The following SLC28A3 variants were observed in gnomAD, a reference collection of about 807,000 sequenced individuals.
SLC28A3 encodes the protein solute carrier family 28 member 3.
SLC28A3 carries 68 observed loss-of-function variants against 84.2 expected under a neutral mutation model. The observed-to-expected ratio is 0.81, with a 90% CI of 0.66 to 0.99. SLC28A3 has a LOEUF of 0.99. Ranked by LOEUF, SLC28A3 falls within the 50% of genes least tolerant of loss-of-function variation. The pLI is 0.00. For missense variants in SLC28A3, 712 were observed against 841.5 expected (o/e 0.85, Z 1.90); for synonymous variants, 267 against 303.6 (o/e 0.88, Z 1.25).
chr9:84,359,687 A>G, the SLC28A3 span, among the ~76,000 whole-genome samples: 7 of 152,232 alleles, frequency 4.6e-5, no homozygotes, highest in African/African-American at 1.7e-4. Context: ...AAGAAAAGAT[A>G]AAGTATTAAA....
At chr9:84,298,564 T>C (rs1452271766) in intron 6 of SLC28A3, among the ~76,000 whole-genome samples, 1 of 152,176 alleles carries the variant, frequency 6.6e-6, no homozygotes, top group African/African-American at 2.4e-5. Flanking sequence ...TCCAGGAAAG[T>C]ATTTAAGTAA....
chr9:84,284,242 G>C lies in SLC28A3; in HGVS notation c.1647+1103C>G, dbSNP rs74901028. Among the ~76,000 whole-genome samples the C allele has an allele frequency of 0.025, 3,825 of 152,260 alleles. 281 individuals carry two copies. In the East Asian group the frequency reaches 0.26, roughly 10 times the overall value. The stretch of plus-strand genomic sequence containing the variant: ...GGTTTTGGTGGCATCTAAACAATGA[G>C]GATAATTGGCCAAGCTTTACTGGGA... On this transcript the variant is annotated intron_variant, in intron 14 of 17. Transcript: ENST00000376238.
chr9:84,335,795 C>T (rs1826954662), intron 1 of SLC28A3, among the ~76,000 whole-genome samples: 1 of 151,682 alleles, frequency 6.6e-6, no homozygotes, highest in Non-Finnish European at 1.5e-5. Flanking sequence ...ATTATTTCAA[C>T]AATCCCAAGA....
intron 3 of SLC28A3, among the ~76,000 whole-genome samples, chr9:84,307,430 C>CAAAAAA (rs773007559): frequency 2.5e-4 from 10 of 40,474 alleles, no homozygotes; most frequent in Admixed American, 3.1e-4. Context: ...GACTCCATCT[C>CAAAAAA]AAAAAAAAAA....
intron 1 of SLC28A3, among the ~76,000 whole-genome samples, chr9:84,322,920 T>A (rs1467633951): frequency 6.6e-6 from 1 of 152,164 alleles, no homozygotes; most frequent in South Asian, 2.1e-4. Context: ...TCAGAATGAC[T>A]CAAGATGTTA....
intron 14 of SLC28A3, 109 bp from the exon 15 acceptor site, chr9:84,280,991 G>A (rs1048417521): frequency 1.0e-6 from 1 of 1,003,694 alleles, no homozygotes; most frequent in Admixed American, 2.0e-5. Context: ...ACAAATAAAT[G>A]CACAGTCCAT....
rs148471016 is a variant in SLC28A3, at chr9:84,340,225, A to C, written c.60+349T>G. On this transcript the variant is annotated intron_variant, in intron 1 of 17. Transcript: ENST00000376238. ...AAAAGGAACCCTGAGACACTACCCCAGCCAGGATCTAAATTCCCCCATTTT... is the reference window on the plus strand; with the variant it reads ...AAAAGGAACCCTGAGACACTACCCCCGCCAGGATCTAAATTCCCCCATTTT... Among the ~76,000 whole-genome samples, 19 of 152,240 alleles carry C rather than the reference A, an allele frequency of 1.2e-4. No individual in the cohort carries two copies. The East Asian group carries it at 3.7e-3, about 29-fold the overall frequency.
At chr9:84,324,751 C>A (rs1265277327) in intron 1 of SLC28A3, among the ~76,000 whole-genome samples, 1 of 152,134 alleles carries the variant, frequency 6.6e-6, no homozygotes, top group Non-Finnish European at 1.5e-5. Context: ...AATGACCGTA[C>A]ATCTTCATAG....
At chr9:84,297,354 C>A in intron 7 of SLC28A3, 56 bp from the exon 8 acceptor site, 1 of 1,414,344 alleles carries the variant, frequency 7.1e-7, no homozygotes, top group Non-Finnish European at 9.9e-7. Context: ...GGAAATTAGA[C>A]AGTGCACAGG....
chr9:84,358,188 A>G, the SLC28A3 span, among the ~76,000 whole-genome samples: 3 of 152,196 alleles, frequency 2.0e-5, no homozygotes, highest in African/African-American at 2.4e-5. Context: ...GGGGAGATTC[A>G]GAGCCAGCAA....
upstream of SLC28A3, among the ~76,000 whole-genome samples, chr9:84,343,340 T>G (rs2063208768): frequency 6.6e-6 from 1 of 152,196 alleles, no homozygotes; most frequent in East Asian, 1.9e-4. Context: ...TTGTTTTCTC[T>G]TTATCAGTGA....
At chr9:84,337,491 T>C (rs190901349) in intron 1 of SLC28A3, among the ~76,000 whole-genome samples, 2,350 of 152,222 alleles carry the variant, frequency 0.015, 61 homozygotes, top group African/African-American at 0.053. Context: ...TGCACACGTG[T>C]GTGTGTGTAC....
At chr9:84,334,306 C>CA (rs908320163) in intron 1 of SLC28A3, among the ~76,000 whole-genome samples, 141 of 150,882 alleles carry the variant, frequency 9.3e-4, no homozygotes, top group African/African-American at 3.3e-3. Context: ...CTCAAAAAAA[C>CA]AAAAAAAAAG....
chr9:84,353,131 A>G, the SLC28A3 span, among the ~76,000 whole-genome samples: 1 of 152,160 alleles, frequency 6.6e-6, no homozygotes, highest in African/African-American at 2.4e-5. Context: ...AAGATTATCA[A>G]TGTCTGACAT....
At position 84,279,995 on chromosome 9, in the gene SLC28A3, A is replaced by C. The variant is rs1229137216; in HGVS notation, c.1808T>G (p.Phe603Cys). The part of the protein sequence containing the change: ...RALIAGTVAC[F>C]MTACIAGILS... ...GGTACCTGCGATGCAGGCTGTCATG[A>C]AGCAGGCCACGGTCCCCGCAATCAG... The change falls in exon 16 of 18, where the codon TTC becomes TGC. Residue 603 changes from phenylalanine to cysteine, a missense_variant. By Grantham distance (205) the Phe-to-Cys change is radical. Coordinates refer to ENST00000376238, the MANE Select transcript of SLC28A3 (RefSeq NM_001199633.2). The C allele has an allele frequency of 1.2e-6, 2 of 1,613,868 alleles. No homozygotes were observed. Among genetic ancestry groups the C allele is most frequent in the East Asian group, 4.5e-5 (2 of 44,894 alleles).
intron 10 of SLC28A3, 160 bp downstream of exon 10, chr9:84,292,507 CT>C: frequency 1.8e-6 from 1 of 554,298 alleles, no homozygotes; most frequent in African/African-American, 2.0e-5. Context: ...GTCTCTCTCT[CT>C]TCTCCCCCTG....
chr9:84,295,460 AT>A (rs1825378657), intron 8 of SLC28A3, among the ~76,000 whole-genome samples: 1 of 152,038 alleles, frequency 6.6e-6, no homozygotes, highest in South Asian at 2.1e-4. Context: ...TGGCACACTC[AT>A]GTAATCCCAA....
At chr9:84,368,453 T>G in the SLC28A3 span, among the ~76,000 whole-genome samples, 23,707 of 152,010 alleles carry the variant, frequency 0.16, 4,123 homozygotes, top group African/African-American at 0.43. Flanking sequence ...ATACAGTACC[T>G]GGGTATCGCT....
the SLC28A3 span, among the ~76,000 whole-genome samples, chr9:84,356,815 A>C: frequency 6.6e-6 from 1 of 152,254 alleles, no homozygotes; most frequent in Middle Eastern, 3.4e-3. Context: ...TGGGCAACAA[A>C]GTGAGACTCT....
Sources: gnomAD v4.1 joint callset for allele counts (sites outside exome capture counted in the v4.1 genomes callset) on GRCh38, gnomAD v4.1.1 for gene constraint, MANE v1.5 for transcripts, NCBI Gene and HGNC (gene_info 2026-07-23, HGNC 2026-07-21) for gene names.